ZNF782: variants seen among roughly 807,000 people sequenced by gnomAD.
ZNF782 encodes the protein zinc finger protein 782.
A neutral mutation model predicts 13.0 loss-of-function variants in ZNF782; 12 were observed. The observed-to-expected ratio is 0.92, with a 90% CI of 0.59 to 1.50. The LOEUF (loss-of-function observed/expected upper bound fraction) is 1.50. Among genes scored for constraint, ZNF782 ranks in the 40% most tolerant of loss-of-function variants. The pLI is 0.00. For synonymous variants in ZNF782, 284 were observed against 283.0 expected (o/e 1.00, Z -0.04); for missense variants, 770 against 822.9 (o/e 0.94, Z 0.79).
the ZNF782 span, among the ~76,000 whole-genome samples, chr9:96,901,750 C>T: frequency 6.6e-6 from 1 of 150,920 alleles, no homozygotes; most frequent in African/African-American, 2.4e-5. Flanking sequence ...CATGGTGGCA[C>T]ACACCTGTAA....
intron 1 of ZNF782, among the ~76,000 whole-genome samples, chr9:96,872,685 C>T (rs950605937): frequency 1.3e-5 from 2 of 152,130 alleles, no homozygotes; most frequent in African/African-American, 4.8e-5. Flanking sequence ...TTAATCCATG[C>T]CTCTATGTAA....
chr9:96,887,516 T>C, the ZNF782 span: 9 of 152,194 alleles, frequency 5.9e-5, no homozygotes, highest in Non-Finnish European at 1.2e-4. Flanking sequence ...TACAACATTA[T>C]GCTGGATCTA....
At chr9:96,880,467 G>A (rs563037491), upstream of ZNF782, among the ~76,000 whole-genome samples, 6 of 152,244 alleles carry the variant, frequency 3.9e-5, no homozygotes, top group South Asian at 1.2e-3. Context: ...TCTAGCTCTA[G>A]TTTTCTGAGA....
At chr9:96,932,617 G>T in the ZNF782 span, among the ~76,000 whole-genome samples, 6 of 152,002 alleles carry the variant, frequency 3.9e-5, no homozygotes, top group Non-Finnish European at 8.8e-5. Flanking sequence ...CATGTCAACT[G>T]CCTGTCACTG....
the ZNF782 span, among the ~76,000 whole-genome samples, chr9:96,899,641 C>A: frequency 6.6e-6 from 1 of 152,140 alleles, no homozygotes; most frequent in Non-Finnish European, 1.5e-5. Flanking sequence ...CTCCTTTTTC[C>A]ACTAAAGGCC....
chr9:96,896,369 G>A, the ZNF782 span, among the ~76,000 whole-genome samples: 32 of 152,130 alleles, frequency 2.1e-4, 1 homozygote, highest in South Asian at 5.0e-3. Context: ...TATATCAATC[G>A]CACTGGTCCA....
At chr9:96,900,724 A>G in the ZNF782 span, among the ~76,000 whole-genome samples, 17 of 152,164 alleles carry the variant, frequency 1.1e-4, no homozygotes, top group African/African-American at 9.7e-5. Context: ...CTGGGCAACA[A>G]GAGCAAAACT....
chr9:96,817,958 G>C lies in ZNF782; in HGVS notation c.2065C>G (p.Leu689Val), dbSNP rs757630353. 1.9e-6 allele frequency: 3 copies of C among 1,600,582 alleles called. No homozygotes were observed. Among genetic ancestry groups the C allele is most frequent in the Non-Finnish European group, 2.6e-6 (3 of 1,174,064 alleles). Residue 689 changes from leucine (L) to valine (V), a missense_variant, in exon 6 of 6, where the codon CTT becomes GTT. Leu to Val is a conservative substitution (Grantham distance 32). Transcript: ENST00000481138. Reference sequence around the variant, plus strand: ...GGGTGGGCTTTCTGATGTTCTCTAAGGCTTGATTTTTGACTGAAAGTTCTC... The same window carrying C: ...GGGTGGGCTTTCTGATGTTCTCTAACGCTTGATTTTTGACTGAAAGTTCTC... ...CGRTFSQKSSLREHQKAHPGD is the reference protein window; with the variant it reads ...CGRTFSQKSSVREHQKAHPGD
the ZNF782 span, among the ~76,000 whole-genome samples, chr9:96,905,662 T>C: frequency 6.6e-6 from 1 of 152,124 alleles, no homozygotes; most frequent in East Asian, 1.9e-4. Flanking sequence ...CTTGGCTCAC[T>C]GCAACCTCTG....
chr9:96,822,541 CT>C (rs1386352847), intron 5 of ZNF782, among the ~76,000 whole-genome samples: 1 of 152,176 alleles, frequency 6.6e-6, no homozygotes, highest in East Asian at 1.9e-4. Flanking sequence ...AGTAATAGTG[CT>C]TTCCCCCTTT....
chr9:96,885,703 T>C, the ZNF782 span, among the ~76,000 whole-genome samples: 5 of 148,820 alleles, frequency 3.4e-5, no homozygotes, highest in Non-Finnish European at 7.4e-5. Context: ...ATTAAGTTTC[T>C]GGAAACAAAA....
chr9:96,839,920 TG>T (rs1851136533), intron 4 of ZNF782, among the ~76,000 whole-genome samples: 1 of 152,218 alleles, frequency 6.6e-6, no homozygotes, highest in South Asian at 2.1e-4. Flanking sequence ...TAGTCAATGA[TG>T]TACATTTGGG....
intron 1 of ZNF782, among the ~76,000 whole-genome samples, chr9:96,864,762 T>C (rs954673968): frequency 2.6e-5 from 4 of 151,622 alleles, no homozygotes; most frequent in African/African-American, 9.7e-5. Context: ...CTGGATACAG[T>C]GGCTCATGTC....
At chr9:96,892,045 G>A in the ZNF782 span, 1 of 152,230 alleles carries the variant, frequency 6.6e-6, no homozygotes, top group Non-Finnish European at 1.5e-5. Context: ...GGGAAAAGGG[G>A]AGTATGCGGT....
chr9:96,842,849 G>A (rs977037733), intron 4 of ZNF782, among the ~76,000 whole-genome samples: 1 of 151,888 alleles, frequency 6.6e-6, no homozygotes, highest in Non-Finnish European at 1.5e-5. Context: ...AAAAGTCAAT[G>A]GTAAAACACA....
rs1448389002 is a variant in ZNF782, at chr9:96,818,841, ATAGG to A, written c.1178_1181del (p.Pro393LeufsTer16). 6.2e-7 allele frequency: 1 copy of A among 1,613,228 alleles called. No individual in the cohort carries two copies. Among genetic ancestry groups the A allele is most frequent in the Admixed American group, 1.7e-5 (1 of 59,958 alleles). ...AGGCTTTCCCGCACTCAGGACATTC[ATAGG>A]GTTTCTCCCCTGTGTGACTTTTCTG... On this transcript the variant is annotated frameshift_variant, in exon 6 of 6. Coordinates refer to ENST00000481138, the MANE Select transcript of ZNF782 (RefSeq NM_001001662.3). LOFTEE classifies it low-confidence loss of function (END_TRUNC).
the ZNF782 span, among the ~76,000 whole-genome samples, chr9:96,932,686 C>A: frequency 6.7e-6 from 1 of 148,440 alleles, no homozygotes; most frequent in Admixed American, 6.7e-5. Flanking sequence ...GACTTTCACT[C>A]TTGTTGCCCA....
At chr9:96,930,872 GTTTTTTTTTTTTTTT>G in the ZNF782 span, among the ~76,000 whole-genome samples, 24 of 72,700 alleles carry the variant, frequency 3.3e-4, no homozygotes, top group Non-Finnish European at 4.0e-4. Flanking sequence ...CCATCCAGTG[GTTTTTTTTTTTTTTT>G]TTTTTTTTTT....
At chr9:96,925,214 G>A in the ZNF782 span, among the ~76,000 whole-genome samples, 1 of 152,102 alleles carries the variant, frequency 6.6e-6, no homozygotes, top group African/African-American at 2.4e-5. Flanking sequence ...CAGGCGCGCG[G>A]GGCAGGCGTG....
Sources: allele counts gnomAD v4.1 joint callset (sites outside exome capture counted in the v4.1 genomes callset), GRCh38; gene constraint gnomAD v4.1.1; transcripts MANE v1.5; gene names NCBI Gene and HGNC (gene_info 2026-07-23, HGNC 2026-07-21).